The following BMPER variants were observed in gnomAD, a reference collection of about 807,000 sequenced individuals.
BMPER encodes BMP binding endothelial regulator, also known as BMP-binding endothelial regulator protein.
Under a neutral mutation model 87.3 loss-of-function variants are expected in BMPER, and 45 were observed. The observed-to-expected ratio is 0.52, with a 90% CI of 0.41 to 0.66. The LOEUF (loss-of-function observed/expected upper bound fraction) is 0.66, where lower values mean the gene tolerates loss of function less well. BMPER is among the 30% of genes least tolerant of loss of function. The pLI is 0.00. For missense variants in BMPER, 784 were observed against 867.5 expected (o/e 0.90, Z 1.21); for synonymous variants, 326 against 316.2 (o/e 1.03, Z -0.33).
chr7:34,047,787 T>TTTCA (rs1788014277), intron 7 of BMPER, among the ~76,000 whole-genome samples: 1 of 1,214 alleles, frequency 8.2e-4, no homozygotes, highest in Non-Finnish European at 2.1e-3. Context: ...CTTGATTTTC[T>TTTCA]TTCCTTCCTT....
Position 34,126,690 on chromosome 7 carries a change from T to C in BMPER, c.1746-16540T>C, listed in dbSNP as rs141419330. Among the ~76,000 whole-genome samples, 731 of 152,324 alleles carry C rather than the reference T, an allele frequency of 4.8e-3. 6 individuals are homozygous for C. The highest frequency in any genetic ancestry group is 0.016 in the African/African-American group (652 of 41,568). ...TTTCCTCTTACTTTCTTCCCCAGTGTGTGGCTTTCAACCATTATCTTTATA... is the reference window on the plus strand; with the variant it reads ...TTTCCTCTTACTTTCTTCCCCAGTGCGTGGCTTTCAACCATTATCTTTATA... On this transcript the variant is annotated intron_variant, in intron 13 of 14. Coordinates refer to ENST00000649409, the MANE Select transcript of BMPER (RefSeq NM_001365308.1).
intron 1 of BMPER, 81 bp downstream of exon 1, chr7:33,905,827 G>GT (rs1783799161): frequency 9.4e-6 from 5 of 529,262 alleles, no homozygotes; most frequent in East Asian, 6.0e-5. Context: ...TTGCCCCGGG[G>GT]ATGGGAGGGT....
At chr7:34,138,119 G>A (rs112767524) in intron 13 of BMPER, among the ~76,000 whole-genome samples, 1 of 152,294 alleles carries the variant, frequency 6.6e-6, no homozygotes, top group Non-Finnish European at 1.5e-5. Flanking sequence ...AACTGAACTT[G>A]TAATTTTATT....
At chr7:34,058,473 C>T (rs1203603248) in intron 10 of BMPER, among the ~76,000 whole-genome samples, 1 of 152,172 alleles carries the variant, frequency 6.6e-6, no homozygotes, top group Admixed American at 6.5e-5. Flanking sequence ...TGTTTAACAT[C>T]GTAACTGTCT....
intron 3 of BMPER, among the ~76,000 whole-genome samples, chr7:33,939,446 T>C (rs1297697519): frequency 5.3e-5 from 8 of 152,178 alleles, no homozygotes; most frequent in Non-Finnish European, 7.4e-5. Flanking sequence ...CCCAACGCAT[T>C]TGGGGGGAGG....
At chr7:34,107,978 A>G (rs1265096727) in intron 13 of BMPER, among the ~76,000 whole-genome samples, 1 of 152,260 alleles carries the variant, frequency 6.6e-6, no homozygotes, top group Non-Finnish European at 1.5e-5. Flanking sequence ...TGAGGTATAT[A>G]TTTAAAGTAC....
chr7:33,917,409 T>C (rs79067133), intron 2 of BMPER, among the ~76,000 whole-genome samples: 2,287 of 152,124 alleles, frequency 0.015, 62 homozygotes, highest in African/African-American at 0.052. Context: ...TCTTTCTTTC[T>C]TTTTTTTAAT....
chr7:33,945,750 A>T (rs544035686), intron 3 of BMPER, among the ~76,000 whole-genome samples: 6 of 152,204 alleles, frequency 3.9e-5, no homozygotes, highest in African/African-American at 1.4e-4. Context: ...CTGGATACCA[A>T]GTTATTTGGT....
intron 13 of BMPER, among the ~76,000 whole-genome samples, chr7:34,118,324 A>G (rs1790169633): frequency 6.6e-6 from 1 of 152,162 alleles, no homozygotes. Context: ...AAAACAAAAC[A>G]AAATAAAATC....
chr7:33,957,383 A>G (rs1785172631), intron 3 of BMPER, among the ~76,000 whole-genome samples: 1 of 150,800 alleles, frequency 6.6e-6, no homozygotes, highest in Non-Finnish European at 1.5e-5. Flanking sequence ...GATCCCTTTA[A>G]TATTCTGGAA....
intron 6 of BMPER, among the ~76,000 whole-genome samples, chr7:34,012,153 A>G (rs1786900467): frequency 6.6e-6 from 1 of 151,958 alleles, no homozygotes; most frequent in Admixed American, 6.6e-5. Flanking sequence ...GGAACAAGAA[A>G]CTTCTGTAAG....
chr7:34,073,183 T>C (rs1331400048), intron 11 of BMPER, among the ~76,000 whole-genome samples: 2 of 152,212 alleles, frequency 1.3e-5, no homozygotes, highest in Non-Finnish European at 2.9e-5. Flanking sequence ...ACAGCAGTAA[T>C]ACTTTTTGAG....
intron 3 of BMPER, among the ~76,000 whole-genome samples, chr7:33,960,340 G>C (rs1785237219): frequency 1.3e-5 from 2 of 152,302 alleles, no homozygotes; most frequent in Non-Finnish European, 2.9e-5. Flanking sequence ...CAGATTTTAT[G>C]TTTATCCCTT....
chr7:34,075,464 C>T (rs1262179710), intron 11 of BMPER, among the ~76,000 whole-genome samples: 3 of 152,266 alleles, frequency 2.0e-5, no homozygotes, highest in Admixed American at 6.5e-5. Context: ...TTTTACCCCC[C>T]TTTACCTGTG....
intron 13 of BMPER, among the ~76,000 whole-genome samples, chr7:34,128,299 G>A (rs2127990861): frequency 6.6e-6 from 1 of 152,132 alleles, no homozygotes; most frequent in East Asian, 1.9e-4. Context: ...CCATGCCAGA[G>A]TAATCTATTT....
chr7:33,920,499 T>C (rs914748379), intron 2 of BMPER, among the ~76,000 whole-genome samples: 8 of 145,048 alleles, frequency 5.5e-5, no homozygotes, highest in Non-Finnish European at 9.0e-5. Flanking sequence ...GATCTCGGCT[T>C]ACTGCAACCT....
At chr7:34,112,998 A>G (rs1790020368) in intron 13 of BMPER, among the ~76,000 whole-genome samples, 1 of 151,752 alleles carries the variant, frequency 6.6e-6, no homozygotes, top group Non-Finnish European at 1.5e-5. Flanking sequence ...GTCAAATGGC[A>G]TGCACATTTT....
chr7:34,058,206 A>G (rs1192891920), intron 10 of BMPER, 43 bp downstream of exon 10: 2 of 1,565,052 alleles, frequency 1.3e-6, no homozygotes, highest in African/African-American at 2.7e-5. Flanking sequence ...GCGTCTTGAG[A>G]AATGTCCTGT....
chr7:33,993,497 G>A (rs997823770), intron 6 of BMPER, among the ~76,000 whole-genome samples: 26 of 151,524 alleles, frequency 1.7e-4, no homozygotes, highest in Non-Finnish European at 3.5e-4. Context: ...CTCTGTATTG[G>A]TTATTCTAGT....
Sources: gnomAD v4.1 joint callset for allele counts (sites outside exome capture counted in the v4.1 genomes callset) on GRCh38, gnomAD v4.1.1 for gene constraint, MANE v1.5 for transcripts, NCBI Gene and HGNC (gene_info 2026-07-23, HGNC 2026-07-21) for gene names.